SLC44A1: variants seen among roughly 807,000 people sequenced by gnomAD.
SLC44A1 encodes the protein solute carrier family 44 member 1.
A neutral mutation model predicts 79.3 loss-of-function variants in SLC44A1; 26 were observed. That is an observed-to-expected ratio of 0.33 (90% CI 0.24 to 0.46). SLC44A1 has a LOEUF of 0.46. Ranked by LOEUF, SLC44A1 falls within the 20% of genes least tolerant of loss-of-function variation. The pLI is 1.00. For synonymous variants in SLC44A1, 263 were observed against 286.2 expected (o/e 0.92, Z 0.82); for missense variants, 688 against 798.1 (o/e 0.86, Z 1.66).
chr9:105,285,914 A>G (rs1219787286), intron 1 of SLC44A1, among the ~76,000 whole-genome samples: 1 of 152,186 alleles, frequency 6.6e-6, no homozygotes, highest in Non-Finnish European at 1.5e-5. Context: ...CCATCTGGCC[A>G]ACATGATGAA....
At chr9:105,291,186 T>C (rs1830594397) in intron 1 of SLC44A1, among the ~76,000 whole-genome samples, 1 of 152,236 alleles carries the variant, frequency 6.6e-6, no homozygotes. Context: ...ATACATCAGC[T>C]CTTTTATTTT....
At chr9:105,297,019 T>TA (rs1324508558) in intron 1 of SLC44A1, among the ~76,000 whole-genome samples, 1 of 152,208 alleles carries the variant, frequency 6.6e-6, no homozygotes, top group Non-Finnish European at 1.5e-5. Flanking sequence ...CTTCATCTCT[T>TA]ACGCCACAAT....
intron 15 of SLC44A1, among the ~76,000 whole-genome samples, chr9:105,425,174 C>T (rs983401724): frequency 1.3e-5 from 2 of 152,092 alleles, no homozygotes; most frequent in African/African-American, 4.8e-5. Flanking sequence ...CATTCTATGT[C>T]AGTAATACCC....
Position 105,351,559 on chromosome 9 carries a change from A to G in SLC44A1, c.500+3108A>G, listed in dbSNP as rs1346493028. Among the ~76,000 whole-genome samples, 39 of 107,592 alleles carry G rather than the reference A, an allele frequency of 3.6e-4. 1 individual carries two copies. The highest frequency in any genetic ancestry group is 6.1e-4 in the African/African-American group (12 of 19,828). 70.6% of individuals were successfully genotyped at this position (107,592 alleles called of 152,430 possible). On this transcript the variant is annotated intron_variant, in intron 5 of 15. Transcript: ENST00000374720. Reference sequence around the variant, plus strand: ...AAGAAAGAAAGAAAGAAAGAAAGAGAGAAAGAGAGAAAGAGAGAAAGAGAG... The same window carrying G: ...AAGAAAGAAAGAAAGAAAGAAAGAGGGAAAGAGAGAAAGAGAGAAAGAGAG...
At chr9:105,417,004 G>T (rs925739359) in intron 15 of SLC44A1, among the ~76,000 whole-genome samples, 2 of 152,182 alleles carry the variant, frequency 1.3e-5, no homozygotes, top group Non-Finnish European at 2.9e-5. Context: ...CATTTGACCT[G>T]TGTGCTGTAA....
At chr9:105,374,813 C>A in intron 13 of SLC44A1, 78 bp downstream of exon 13, 1 of 1,215,370 alleles carries the variant, frequency 8.2e-7, no homozygotes. Context: ...TAAAAATATT[C>A]AGGCCACCAA....
chr9:105,283,818 C>G (rs1001095350), intron 1 of SLC44A1, among the ~76,000 whole-genome samples: 3 of 152,178 alleles, frequency 2.0e-5, no homozygotes, highest in Non-Finnish European at 4.4e-5. Flanking sequence ...TTGCAATAAG[C>G]TCCATTGCTC....
At chr9:105,373,185 A>G (rs931847658) in intron 12 of SLC44A1, among the ~76,000 whole-genome samples, 3 of 152,204 alleles carry the variant, frequency 2.0e-5, no homozygotes, top group African/African-American at 7.2e-5. Flanking sequence ...CTTTATAGAC[A>G]ACACAGTATA....
At chr9:105,278,592 G>T (rs992493089) in intron 1 of SLC44A1, among the ~76,000 whole-genome samples, 12 of 152,046 alleles carry the variant, frequency 7.9e-5, no homozygotes, top group African/African-American at 2.7e-4. Flanking sequence ...TGTTGGCCAG[G>T]CTGGTCTCGA....
Position 105,394,646 on chromosome 9 carries a change from ACTGTC to A in SLC44A1, c.*5591_*5595del. 1.0e-6 allele frequency: 1 copy of A among 985,228 alleles called. No homozygotes were observed. Among genetic ancestry groups the A allele is most frequent in the Non-Finnish European group, 1.2e-6 (1 of 829,736 alleles). 61.0% of individuals were successfully genotyped at this position (985,228 alleles called of 1,614,324 possible). On this transcript the variant is annotated 3_prime_UTR_variant, in exon 16 of 16. Coordinates refer to ENST00000374720, the MANE Select transcript of SLC44A1 (RefSeq NM_080546.5). ...TGTGGCTTAGTGTTATCAGTATACT[ACTGTC>A]TTAAAATATATTTGTCAACATGTCC... is the stretch of plus-strand genomic sequence containing the variant.
intron 3 of SLC44A1, among the ~76,000 whole-genome samples, chr9:105,316,041 T>C (rs1831315014): frequency 6.6e-6 from 1 of 152,246 alleles, no homozygotes; most frequent in African/African-American, 2.4e-5. Context: ...TTTGGTTAAA[T>C]TCATTCATTC....
intron 1 of SLC44A1, among the ~76,000 whole-genome samples, chr9:105,255,432 A>T (rs73510211): frequency 0.041 from 6,295 of 152,250 alleles, 440 homozygotes; most frequent in African/African-American, 0.14. Flanking sequence ...AACATCCTTT[A>T]TTTGGTAATT....
chr9:105,251,483 T>G (rs1471808874), intron 1 of SLC44A1, among the ~76,000 whole-genome samples: 1 of 152,170 alleles, frequency 6.6e-6, no homozygotes, highest in East Asian at 1.9e-4. Flanking sequence ...CTTTGAAAAA[T>G]CCCAAGCTAA....
At chr9:105,364,524 C>T (rs1355976938) in intron 9 of SLC44A1, 31 bp from the exon 10 acceptor site, 2 of 1,583,520 alleles carry the variant, frequency 1.3e-6, no homozygotes, top group Admixed American at 1.8e-5. Flanking sequence ...ACTTTATGTG[C>T]TTCTTCTTTC....
intron 1 of SLC44A1, among the ~76,000 whole-genome samples, chr9:105,290,501 G>C (rs1830579240): frequency 6.6e-6 from 1 of 152,218 alleles, no homozygotes; most frequent in Non-Finnish European, 1.5e-5. Context: ...AGGCTTGTCT[G>C]TATAATTTTG....
Position 105,393,179 on chromosome 9 carries a change from T to G in SLC44A1, c.*4123T>G. The G allele has an allele frequency of 1.0e-6, 1 of 985,484 alleles. No individual in the cohort carries two copies. Among genetic ancestry groups the G allele is most frequent in the Non-Finnish European group, 1.2e-6 (1 of 829,932 alleles). The allele number at this position is 985,484 out of a possible 1,614,324, so 61.0% of individuals were successfully genotyped here. On this transcript the variant is annotated 3_prime_UTR_variant, in exon 16 of 16. Coordinates refer to ENST00000374720, the MANE Select transcript of SLC44A1 (RefSeq NM_080546.5). ...ACGCAGATATTTGTGTATTCTGTAT[T>G]CACAGCGTAGGCTGCCTTTTGCTTT...
At chr9:105,407,319 A>G (rs1490166388) in intron 15 of SLC44A1, among the ~76,000 whole-genome samples, 1 of 152,234 alleles carries the variant, frequency 6.6e-6, no homozygotes, top group Non-Finnish European at 1.5e-5. Context: ...TGCACATCTA[A>G]GAAGCTCGAC....
Position 105,396,185 on chromosome 9 carries a change from A to G in SLC44A1, c.*7129A>G, listed in dbSNP as rs1828872071. On this transcript the variant is annotated 3_prime_UTR_variant, in exon 16 of 16. Transcript: ENST00000374720. ...TGGAGTTTTCTGACTTCTTCCCTATAAAAAGATACTGAGAGCTCCATAATG... is the reference window on the plus strand; with the variant it reads ...TGGAGTTTTCTGACTTCTTCCCTATGAAAAGATACTGAGAGCTCCATAATG... The G allele has an allele frequency of 2.7e-5, 27 of 985,208 alleles. No individual in the cohort carries two copies. The highest frequency in any genetic ancestry group is 3.3e-5 in the Non-Finnish European group (27 of 829,866). The allele number at this position is 985,208 out of a possible 1,614,324, so 61.0% of individuals were successfully genotyped here. A position where few individuals can be genotyped will look rare whatever the true frequency, so the allele number is the denominator to read the frequency against.
At chr9:105,412,974 G>T (rs530623031) in intron 15 of SLC44A1, among the ~76,000 whole-genome samples, 1 of 152,096 alleles carries the variant, frequency 6.6e-6, no homozygotes, top group Non-Finnish European at 1.5e-5. Context: ...TCAGAGACAA[G>T]CCTAGAGAAG....
Sources: gnomAD v4.1 joint callset for allele counts (sites outside exome capture counted in the v4.1 genomes callset) on GRCh38, gnomAD v4.1.1 for gene constraint, MANE v1.5 for transcripts, NCBI Gene and HGNC (gene_info 2026-07-23, HGNC 2026-07-21) for gene names.